SLCO3A1: variants seen among roughly 807,000 people sequenced by gnomAD.
SLCO3A1 encodes solute carrier organic anion transporter family member 3A1, also known as PGE1 transporter.
In SLCO3A1, 27 loss-of-function variants were observed where a neutral mutation model predicts 63.1. That is an observed-to-expected ratio of 0.43 (90% CI 0.32 to 0.59). SLCO3A1 has a LOEUF of 0.59. SLCO3A1 is among the 20% of genes least tolerant of loss of function. The probability of loss-of-function intolerance (pLI) is 0.09; values close to 1 mark genes in which losing one functional copy is unlikely to be tolerated. For synonymous variants in SLCO3A1, 473 were observed against 409.9 expected, an observed-to-expected ratio of 1.15 and a Z score of -1.86; for missense variants, 773 against 945.8, an observed-to-expected ratio of 0.82 and a Z score of 2.40.
At chr15:91,902,701 GA>G (rs1377122449) in intron 1 of SLCO3A1, among the ~76,000 whole-genome samples, 1 of 151,990 alleles carries the variant, frequency 6.6e-6, no homozygotes, top group African/African-American at 2.4e-5. Context: ...CATTGTTTTT[GA>G]GAGGATTTGC....
intron 5 of SLCO3A1, among the ~76,000 whole-genome samples, chr15:92,121,435 T>G (rs1399715748): frequency 6.6e-6 from 1 of 152,172 alleles, no homozygotes; most frequent in Non-Finnish European, 1.5e-5. Context: ...GAGCTTGTGG[T>G]ACCATTTGTA....
At chr15:92,003,879 C>G (rs531764712) in intron 2 of SLCO3A1, among the ~76,000 whole-genome samples, 1 of 152,138 alleles carries the variant, frequency 6.6e-6, no homozygotes, top group Non-Finnish European at 1.5e-5. Context: ...CATTGCCTGG[C>G]AGTGCTCCCC....
intron 2 of SLCO3A1, among the ~76,000 whole-genome samples, chr15:91,995,350 T>C (rs1211935044): frequency 6.6e-6 from 1 of 152,218 alleles, no homozygotes; most frequent in Non-Finnish European, 1.5e-5. Flanking sequence ...GCTGACCTCA[T>C]TGATTCCTTG....
At chr15:91,981,791 G>C (rs1253164049) in intron 2 of SLCO3A1, among the ~76,000 whole-genome samples, 1 of 152,212 alleles carries the variant, frequency 6.6e-6, no homozygotes, top group Non-Finnish European at 1.5e-5. Flanking sequence ...CATCAGGGTA[G>C]ACACTTAGTT....
intron 4 of SLCO3A1, among the ~76,000 whole-genome samples, chr15:92,114,933 G>A (rs114665107): frequency 0.01 from 1,540 of 152,200 alleles, 26 homozygotes; most frequent in African/African-American, 0.035. Flanking sequence ...CTCATGTCTG[G>A]AATGATAATG....
intron 2 of SLCO3A1, among the ~76,000 whole-genome samples, chr15:92,048,173 G>A (rs1416023653): frequency 6.6e-6 from 1 of 151,990 alleles, no homozygotes; most frequent in African/African-American, 2.4e-5. Context: ...CAGAACCCCA[G>A]TATCTCATTG....
intron 4 of SLCO3A1, among the ~76,000 whole-genome samples, chr15:92,115,889 G>A (rs1426884560): frequency 6.7e-6 from 1 of 148,426 alleles, no homozygotes; most frequent in Non-Finnish European, 1.5e-5. Context: ...CCCAACCTAG[G>A]CAGAAATTTT....
In SLCO3A1 at chr15:91,894,303, G is replaced by A. The variant is rs1170836550; in HGVS notation, c.181-21690G>A. Among the ~76,000 whole-genome samples, 2 of 152,140 alleles carry A rather than the reference G, an allele frequency of 1.3e-5. No individual in the cohort carries two copies. Among genetic ancestry groups the A allele is most frequent in the East Asian group, 3.9e-4 (2 of 5,188 alleles). On this transcript the variant is annotated intron_variant, in intron 1 of 9. Coordinates refer to ENST00000318445, the MANE Select transcript of SLCO3A1 (RefSeq NM_013272.4). The surrounding 1 kb of genome is among the most constrained non-coding windows in gnomAD (Gnocchi z 4.8). ...GTCCGGAGTTAGGATTTTATTCCAG[G>A]CCCATGGGGAGCCATTGGAAAATAC...
chr15:91,854,390 C>G lies in SLCO3A1; in HGVS notation c.180+302C>G, dbSNP rs989844308. On this transcript the variant is annotated intron_variant, in intron 1 of 9. Coordinates refer to ENST00000318445, the MANE Select transcript of SLCO3A1 (RefSeq NM_013272.4). The surrounding 1 kb of genome is among the most constrained non-coding windows in gnomAD (Gnocchi z 6.4). ...TGGGCGTGAAACTATTCCTCTCCCC[C>G]CATAAGAGCGGAGCGAGACGGTGAG... 1 of 1,054,156 alleles carries G rather than the reference C, an allele frequency of 9.5e-7. No homozygotes were observed. Among genetic ancestry groups the G allele is most frequent in the Non-Finnish European group, 1.1e-6 (1 of 872,842 alleles). The allele number at this position is 1,054,156 out of a possible 1,614,324, so 65.3% of individuals were successfully genotyped here.
chr15:92,112,013 C>T (rs2047735059), intron 4 of SLCO3A1, among the ~76,000 whole-genome samples: 1 of 152,166 alleles, frequency 6.6e-6, no homozygotes, highest in South Asian at 2.1e-4. Flanking sequence ...CTAATGCTTC[C>T]AGAATACAGA....
chr15:92,038,459 T>C (rs1406926973), intron 2 of SLCO3A1, among the ~76,000 whole-genome samples: 3 of 151,938 alleles, frequency 2.0e-5, no homozygotes, highest in African/African-American at 4.8e-5. Flanking sequence ...ACGCCAACAA[T>C]AGACAAGCAG....
In SLCO3A1 at chr15:91,967,167, A is replaced by C. The variant is rs1165443514; in HGVS notation, c.646+50709A>C. Among the ~76,000 whole-genome samples the C allele has an allele frequency of 6.6e-6, 1 of 152,248 alleles. No individual in the cohort carries two copies. The highest frequency in any genetic ancestry group is 6.5e-5 in the Admixed American group (1 of 15,292). On this transcript the variant is annotated intron_variant, in intron 2 of 9. Coordinates refer to ENST00000318445, the MANE Select transcript of SLCO3A1 (RefSeq NM_013272.4). The surrounding 1 kb of genome is among the most constrained non-coding windows in gnomAD (Gnocchi z 4.4). ...TGTGCTGCTTTTTATCCTTTCTAAA[A>C]AAACAAAAAGATTATTAGATGGTAG...
rs992263245 is a variant in SLCO3A1 at position 91,941,843 on chromosome 15, A to G, written c.646+25385A>G. Among the ~76,000 whole-genome samples the G allele has an allele frequency of 6.6e-6, 1 of 152,162 alleles. No individual in the cohort carries two copies. The highest frequency in any genetic ancestry group is 1.5e-5 in the Non-Finnish European group (1 of 68,032). On this transcript the variant is annotated intron_variant, in intron 2 of 9. Transcript: ENST00000318445. This position sits in a 1 kb window ranked among gnomAD's most constrained non-coding sequence, Gnocchi z 4.4. ...TTTGCATACTGTAGGAGCTGCATAA[A>G]TGCCACTGGCTTATGGGCATCTGCA...
downstream of SLCO3A1, among the ~76,000 whole-genome samples, chr15:92,170,446 C>T (rs1728609077): frequency 6.6e-6 from 1 of 152,208 alleles, no homozygotes; most frequent in Admixed American, 6.5e-5. Flanking sequence ...TTCCACTTCA[C>T]AGGTCTGAAA....
chr15:91,931,368 G>A (rs527507198), intron 2 of SLCO3A1, among the ~76,000 whole-genome samples: 1 of 152,242 alleles, frequency 6.6e-6, no homozygotes, highest in East Asian at 1.9e-4. Flanking sequence ...ATTTGCCGAG[G>A]TTCACAGCTG....
At chr15:91,957,161 T>A (rs189852835) in intron 2 of SLCO3A1, among the ~76,000 whole-genome samples, 370 of 15,928 alleles carry the variant, frequency 0.023, 73 homozygotes, top group Middle Eastern at 0.1. Flanking sequence ...ATATATATAT[T>A]TTTTTTTTTA....
At chr15:91,956,799 C>A (rs201002182) in intron 2 of SLCO3A1, among the ~76,000 whole-genome samples, 2 of 92,776 alleles carry the variant, frequency 2.2e-5, no homozygotes, top group Admixed American at 1.1e-4. Flanking sequence ...TTTTTTTTTT[C>A]TTTTTTTTGC....
At chr15:91,972,794 G>T (rs1900929079) in intron 2 of SLCO3A1, among the ~76,000 whole-genome samples, 1 of 152,156 alleles carries the variant, frequency 6.6e-6, no homozygotes, top group African/African-American at 2.4e-5. Context: ...TTTGACTGTG[G>T]ATGAACTGCC....
chr15:92,036,788 C>A (rs1339511556), intron 2 of SLCO3A1, among the ~76,000 whole-genome samples: 3 of 152,130 alleles, frequency 2.0e-5, no homozygotes, highest in Non-Finnish European at 4.4e-5. Flanking sequence ...CTGGGAAGCA[C>A]CCAAATCTCG....
Sources: allele counts gnomAD v4.1 joint callset (sites outside exome capture counted in the v4.1 genomes callset), GRCh38; gene constraint gnomAD v4.1.1; non-coding constraint Gnocchi (gnomAD v3.1); transcripts MANE v1.5; gene names NCBI Gene and HGNC (gene_info 2026-07-23, HGNC 2026-07-21).